ATP11B: variants seen among roughly 807,000 people sequenced by gnomAD.
The protein encoded by ATP11B is ATPase phospholipid transporting 11B (putative), also known as phospholipid-transporting ATPase IF.
In ATP11B, 81 loss-of-function variants were observed where a neutral mutation model predicts 157.8. The observed-to-expected ratio is 0.51, with a 90% confidence interval of 0.43 to 0.62. The LOEUF (loss-of-function observed/expected upper bound fraction) is 0.62. Ranked by LOEUF, ATP11B falls within the 20% of genes least tolerant of loss-of-function variation. ATP11B has a pLI of 0.00. For missense variants in ATP11B, 1,165 were observed against 1,402.2 expected (o/e 0.83, Z 2.70); for synonymous variants, 451 against 469.4 (o/e 0.96, Z 0.51).
intron 12 of ATP11B, among the ~76,000 whole-genome samples, chr3:182,861,435 A>G (rs1435277220): frequency 1.3e-5 from 2 of 152,180 alleles, no homozygotes; most frequent in Non-Finnish European, 1.5e-5. Context: ...TGAATACACA[A>G]ATGCTTCAAT....
At chr3:182,842,256 G>T in intron 8 of ATP11B, 134 bp downstream of exon 8, 1 of 654,734 alleles carries the variant, frequency 1.5e-6, no homozygotes, top group Non-Finnish European at 2.7e-6. Flanking sequence ...TGTTTTGTTT[G>T]TTTTGTTTTG....
At chr3:182,834,831 G>A (rs1718421569) in intron 4 of ATP11B, among the ~76,000 whole-genome samples, 2 of 152,170 alleles carry the variant, frequency 1.3e-5, no homozygotes, top group South Asian at 2.1e-4. Context: ...GAAAATTCAT[G>A]TATAAGTTTT....
intron 28 of ATP11B, among the ~76,000 whole-genome samples, chr3:182,903,904 A>G (rs1020736599): frequency 2.0e-5 from 3 of 152,238 alleles, no homozygotes; most frequent in African/African-American, 4.8e-5. Context: ...ATATTTTCAT[A>G]TATCATACTG....
intron 25 of ATP11B, among the ~76,000 whole-genome samples, chr3:182,894,828 A>G (rs979053263): frequency 8.6e-5 from 13 of 151,926 alleles, no homozygotes; most frequent in Non-Finnish European, 1.6e-4. Context: ...GCATCAAAGT[A>G]TCTCTCCCAG....
At chr3:182,795,250 A>G (rs1715533109) in intron 1 of ATP11B, among the ~76,000 whole-genome samples, 1 of 152,214 alleles carries the variant, frequency 6.6e-6, no homozygotes, top group South Asian at 2.1e-4. Context: ...ATTATTACAG[A>G]TTTGATCTTA....
intron 2 of ATP11B, among the ~76,000 whole-genome samples, chr3:182,820,907 A>G (rs74384301): frequency 0.017 from 2,646 of 152,294 alleles, 69 homozygotes; most frequent in African/African-American, 0.061. Context: ...TATTTATGCT[A>G]TGTACCAGAA....
intron 27 of ATP11B, 59 bp from the exon 28 acceptor site, chr3:182,898,548 T>A (rs1477924975): frequency 3.6e-6 from 5 of 1,399,924 alleles, no homozygotes; most frequent in South Asian, 1.5e-5. Flanking sequence ...CTTTATATGA[T>A]GTCCTGATTT....
Position 182,873,913 on chromosome 3 carries a change from G to A in ATP11B, c.2150G>A (p.Ser717Asn). ...GDKHETAVSVSLSCGHFHRTM... is the reference protein window; with the variant it reads ...GDKHETAVSVNLSCGHFHRTM... ...AAACATGAAACAGCTGTTAGTGTGA[G>A]TTTATCATGTGGCCATTTTCATAGA... The change falls in exon 19 of 30, where the codon AGT becomes AAT. Residue 717 changes from serine to asparagine, a missense_variant. Around this residue, in one of 4 missense-constraint regions of ATP11B, gnomAD observed 737 missense variants for 930.5 expected, o/e 0.79. Coordinates refer to ENST00000323116, the MANE Select transcript of ATP11B (RefSeq NM_014616.3). 1 of 1,614,130 alleles carries A rather than the reference G, an allele frequency of 6.2e-7. No homozygotes were observed. The highest frequency in any genetic ancestry group is 8.5e-7 in the Non-Finnish European group (1 of 1,179,998).
chr3:182,801,018 T>C (rs1200348823), intron 1 of ATP11B, among the ~76,000 whole-genome samples: 1 of 152,106 alleles, frequency 6.6e-6, no homozygotes, highest in Admixed American at 6.5e-5. Context: ...GCCAGGCCAG[T>C]CTCGAACCCT....
chr3:182,869,962 C>T (rs1212659933), intron 17 of ATP11B, among the ~76,000 whole-genome samples: 2 of 152,064 alleles, frequency 1.3e-5, no homozygotes, highest in African/African-American at 4.8e-5. Context: ...ACAACATGGA[C>T]GAATCTTGAA....
chr3:182,895,802 T>C (rs1016095888), intron 25 of ATP11B, among the ~76,000 whole-genome samples: 4 of 152,042 alleles, frequency 2.6e-5, no homozygotes, highest in African/African-American at 9.7e-5. Context: ...TGGCAGGATA[T>C]TGATAAGATG....
chr3:182,848,614 G>T, intron 10 of ATP11B, 57 bp downstream of exon 10: 5 of 917,902 alleles, frequency 5.4e-6, no homozygotes, highest in Non-Finnish European at 7.5e-6. Flanking sequence ...TTTTTTATTC[G>T]TTTGGTATAA....
chr3:182,796,733 A>G (rs899609740), intron 1 of ATP11B, among the ~76,000 whole-genome samples: 6 of 152,230 alleles, frequency 3.9e-5, no homozygotes, highest in African/African-American at 1.4e-4. Context: ...TAGACATTGG[A>G]TACATGTTGC....
chr3:182,810,316 A>G (rs1290060052), intron 1 of ATP11B, among the ~76,000 whole-genome samples: 1 of 152,170 alleles, frequency 6.6e-6, no homozygotes, highest in African/African-American at 2.4e-5. Context: ...TGAGCGATGG[A>G]GCAAGACTCC....
At chr3:182,844,541 T>A in intron 8 of ATP11B, 2 of 983,716 alleles carry the variant, frequency 2.0e-6, no homozygotes, top group Non-Finnish European at 2.4e-6. Context: ...ATATCTCCTT[T>A]ATGGAGAGAA....
Position 182,918,288 on chromosome 3 carries a change from T to A in ATP11B, c.*184T>A. 2 of 693,702 alleles carry A rather than the reference T, an allele frequency of 2.9e-6. No homozygotes were observed. The highest frequency in any genetic ancestry group is 4.2e-6 in the Non-Finnish European group (2 of 472,494). 43.0% of individuals were successfully genotyped at this position (693,702 alleles called of 1,614,324 possible). Reference sequence around the variant, plus strand: ...TAGTACAAGCCCCTCCCAACACCCTTAATTTGAATCTGAACATGTTAAAAT... The same window carrying A: ...TAGTACAAGCCCCTCCCAACACCCTAAATTTGAATCTGAACATGTTAAAAT... On this transcript the variant is annotated 3_prime_UTR_variant, in exon 30 of 30. Coordinates refer to ENST00000323116, the MANE Select transcript of ATP11B (RefSeq NM_014616.3).
intron 24 of ATP11B, 149 bp downstream of exon 24, chr3:182,887,862 G>T: frequency 1.1e-6 from 1 of 891,254 alleles, no homozygotes; most frequent in South Asian, 1.9e-5. Flanking sequence ...GAGAAAAAAA[G>T]GTTTCTTTCA....
chr3:182,835,842 T>C (rs992184396), intron 4 of ATP11B, among the ~76,000 whole-genome samples, 193 bp from the exon 5 acceptor site: 1 of 152,126 alleles, frequency 6.6e-6, no homozygotes, highest in Non-Finnish European at 1.5e-5. Flanking sequence ...CAGGAAAATG[T>C]ATATGACAAA....
At chr3:182,860,208 T>C (rs965980601) in intron 12 of ATP11B, among the ~76,000 whole-genome samples, 2 of 152,228 alleles carry the variant, frequency 1.3e-5, no homozygotes, top group East Asian at 1.9e-4. Flanking sequence ...CAGAGGATAA[T>C]GTTTTGAAAC....
Sources: allele counts gnomAD v4.1 joint callset (sites outside exome capture counted in the v4.1 genomes callset), GRCh38; gene constraint gnomAD v4.1.1; regional missense constraint gnomAD v4.1.1; transcripts MANE v1.5; gene names NCBI Gene and HGNC (gene_info 2026-07-23, HGNC 2026-07-21).